Variants in FHIT observed in about 807,000 individuals in gnomAD.
FHIT encodes the protein fragile histidine triad diadenosine triphosphatase.
In FHIT, 19 loss-of-function variants were observed where a neutral mutation model predicts 17.9. The observed-to-expected ratio is 1.06, with a 90% CI of 0.74 to 1.56. FHIT has a LOEUF of 1.56. FHIT is among the 40% of genes most tolerant of loss of function. The probability of loss-of-function intolerance (pLI) is 0.00; values close to 1 mark genes in which losing one functional copy is unlikely to be tolerated. For synonymous variants in FHIT, 81 were observed against 69.7 expected (o/e 1.16, Z -0.81); for missense variants, 248 against 189.2 (o/e 1.31, Z -1.82).
intron 2 of FHIT, among the ~76,000 whole-genome samples, chr3:61,163,958 G>T (rs1375133529): frequency 6.6e-6 from 1 of 152,112 alleles, no homozygotes; most frequent in African/African-American, 2.4e-5. Context: ...CCTTGCAGTT[G>T]CGTACATCAG....
At position 61,160,065 on chromosome 3, in the gene FHIT, G is replaced by A. The variant is rs186516840; in HGVS notation, c.-164+40552C>T. Among the ~76,000 whole-genome samples, 493 of 152,324 alleles carry A rather than the reference G, an allele frequency of 3.2e-3. 4 individuals are homozygous for A. Among genetic ancestry groups the A allele is most frequent in the Non-Finnish European group, 4.6e-3 (311 of 68,022 alleles). The stretch of plus-strand genomic sequence containing the variant: ...TTTTCTTTCTATATCACATTCAACA[G>A]TTTATTACAATCACCAGGCTTTTCA... On this transcript the variant is annotated intron_variant, in intron 2 of 9. Transcript: ENST00000492590.
chr3:61,075,992 A>G (rs1288100844), intron 2 of FHIT, among the ~76,000 whole-genome samples: 1 of 152,192 alleles, frequency 6.6e-6, no homozygotes, highest in Non-Finnish European at 1.5e-5. Context: ...TTACATTATT[A>G]TTCGTTTAAT....
chr3:60,355,215 AT>A (rs1309052468), intron 5 of FHIT, among the ~76,000 whole-genome samples: 1 of 152,168 alleles, frequency 6.6e-6, no homozygotes, highest in Non-Finnish European at 1.5e-5. Context: ...AGTTAGGCTA[AT>A]TACCCAAAAT....
intron 8 of FHIT, among the ~76,000 whole-genome samples, chr3:59,776,235 G>A (rs1200401592): frequency 3.3e-5 from 5 of 152,204 alleles, no homozygotes; most frequent in South Asian, 4.1e-4. Context: ...TTTCTGCTCC[G>A]GGGTTCTACA....
intron 2 of FHIT, among the ~76,000 whole-genome samples, chr3:61,103,126 G>T (rs916168950): frequency 1.3e-5 from 2 of 152,112 alleles, no homozygotes; most frequent in African/African-American, 4.8e-5. Flanking sequence ...TGCTTCTCTA[G>T]TTCTTTTAAT....
chr3:60,537,799 C>T (rs1328797751), intron 4 of FHIT, among the ~76,000 whole-genome samples: 2 of 152,118 alleles, frequency 1.3e-5, no homozygotes, highest in Non-Finnish European at 2.9e-5. Flanking sequence ...TTGTGAATGA[C>T]TAAGACACAC....
chr3:59,912,732 G>A lies in FHIT; in HGVS notation c.348+9614C>T, dbSNP rs563709091. 7.9e-5 allele frequency among the ~76,000 whole-genome samples: 12 copies of A among 152,260 alleles called. No individual in the cohort carries two copies. The South Asian group carries it at 2.1e-3, about 26-fold the overall frequency. On this transcript the variant is annotated intron_variant, in intron 8 of 9. Transcript: ENST00000492590. ...GCAAGGTTACATTTCCGTGCAAAGG[G>A]AATATTCTATGAGTTCCTTAGTTAC...
chr3:60,891,205 T>C (rs1705501882), intron 3 of FHIT, among the ~76,000 whole-genome samples: 1 of 152,180 alleles, frequency 6.6e-6, no homozygotes, highest in African/African-American at 2.4e-5. Context: ...TCTCTCTATG[T>C]TGTTCTACCT....
At position 60,059,044 on chromosome 3, in the gene FHIT, G is replaced by T. The variant is rs114336053; in HGVS notation, c.104-44892C>A. On this transcript the variant is annotated intron_variant, in intron 5 of 9. Transcript: ENST00000492590. Reference sequence around the variant, plus strand: ...AAATGTTACAGTAGGTAGGTAGTCAGGCGTGATGGGGCAGGAGAGGGCCCT... The same window carrying T: ...AAATGTTACAGTAGGTAGGTAGTCATGCGTGATGGGGCAGGAGAGGGCCCT... Among the ~76,000 whole-genome samples, 1,102 of 152,284 alleles carry T rather than the reference G, an allele frequency of 7.2e-3. 12 individuals carry two copies. Among genetic ancestry groups the T allele is most frequent in the African/African-American group, 0.025 (1,029 of 41,556 alleles).
chr3:59,883,462 G>A (rs1040010314), intron 8 of FHIT, among the ~76,000 whole-genome samples: 2 of 152,180 alleles, frequency 1.3e-5, no homozygotes, highest in African/African-American at 2.4e-5. Context: ...AAGTGCAAGG[G>A]TTTTCCCCTT....
At chr3:60,259,067 AG>A (rs1334598140) in intron 5 of FHIT, among the ~76,000 whole-genome samples, 2 of 151,646 alleles carry the variant, frequency 1.3e-5, no homozygotes, top group Admixed American at 6.6e-5. Flanking sequence ...AAAAAAAAAA[AG>A]ACCTACCTTG....
chr3:60,807,313 G>A (rs72884588), intron 4 of FHIT, among the ~76,000 whole-genome samples: 3 of 151,628 alleles, frequency 2.0e-5, no homozygotes, highest in Non-Finnish European at 2.9e-5. Flanking sequence ...TGTTTAAAAG[G>A]AATGTACTAA....
chr3:59,815,243 G>A (rs1159618576), intron 8 of FHIT, among the ~76,000 whole-genome samples: 1 of 152,088 alleles, frequency 6.6e-6, no homozygotes, highest in Non-Finnish European at 1.5e-5. Context: ...TGGAAGGAAA[G>A]GGAATGTAGC....
At chr3:60,127,075 G>T (rs1173722545) in intron 5 of FHIT, among the ~76,000 whole-genome samples, 1 of 152,122 alleles carries the variant, frequency 6.6e-6, no homozygotes, top group African/African-American at 2.4e-5. Context: ...GTGAGATCAG[G>T]TACCTTATCA....
intron 4 of FHIT, among the ~76,000 whole-genome samples, chr3:60,794,795 C>T (rs574705792): frequency 6.6e-6 from 1 of 152,296 alleles, no homozygotes; most frequent in South Asian, 2.1e-4. Context: ...ACTTTGGAAT[C>T]CATATTACAT....
At chr3:59,845,707 C>G (rs1701694202) in intron 8 of FHIT, among the ~76,000 whole-genome samples, 1 of 152,028 alleles carries the variant, frequency 6.6e-6, no homozygotes, top group African/African-American at 2.4e-5. Context: ...ATGGTCTATC[C>G]TGGAAAATGT....
intron 4 of FHIT, among the ~76,000 whole-genome samples, chr3:60,603,893 C>T (rs1218659742): frequency 1.3e-5 from 2 of 152,052 alleles, no homozygotes; most frequent in East Asian, 1.9e-4. Context: ...TGAGCATTTG[C>T]TATGTGCCCG....
At position 60,226,493 on chromosome 3, in the gene FHIT, A is replaced by AAAAAC. The variant is rs200934161; in HGVS notation, c.104-212342_104-212341insGTTTT. Among the ~76,000 whole-genome samples, 74 of 147,136 alleles carry AAAAAC rather than the reference A, an allele frequency of 5.0e-4. 2 individuals carry two copies. The highest frequency in any genetic ancestry group is 1.9e-3 in the African/African-American group (71 of 37,764). On this transcript the variant is annotated intron_variant, in intron 5 of 9. Coordinates refer to ENST00000492590, the MANE Select transcript of FHIT (RefSeq NM_002012.4). ...GTCTCAAAAAAAAAAAAAAAAAAAA[A>AAAAAC]ACACTGCCTGCCTGCACTATACTAA...
chr3:59,858,602 G>T (rs757942423), intron 8 of FHIT, among the ~76,000 whole-genome samples: 5 of 152,010 alleles, frequency 3.3e-5, no homozygotes, highest in Admixed American at 1.3e-4. Flanking sequence ...GAGGTGGGTA[G>T]TGATGGCAGC....
Sources: allele counts gnomAD v4.1 joint callset (sites outside exome capture counted in the v4.1 genomes callset), GRCh38; gene constraint gnomAD v4.1.1; transcripts MANE v1.5; gene names NCBI Gene and HGNC (gene_info 2026-07-23, HGNC 2026-07-21).